The following INPP4B variants were observed in gnomAD, a reference collection of about 807,000 sequenced individuals.
INPP4B encodes inositol polyphosphate-4-phosphatase type II B.
INPP4B carries 55 observed loss-of-function variants against 122.5 expected under a neutral mutation model. The ratio of observed to expected loss-of-function variants is 0.45; its 90% CI spans 0.36 to 0.56. INPP4B has a LOEUF of 0.56. Among genes scored for constraint, INPP4B ranks in the 20% least tolerant of loss-of-function variants. The pLI, the probability that INPP4B is intolerant of heterozygous loss-of-function variation, is 0.00. For missense variants in INPP4B, 1,000 were observed against 1,097.7 expected, an observed-to-expected ratio of 0.91 and a Z score of 1.26; for synonymous variants, 403 against 388.7, an observed-to-expected ratio of 1.04 and a Z score of -0.43.
intron 14 of INPP4B, 47 bp from the exon 15 acceptor site, chr4:142,193,242 C>T: frequency 1.9e-6 from 2 of 1,075,146 alleles, no homozygotes; most frequent in Non-Finnish European, 2.9e-6. Flanking sequence ...AAACATTTAT[C>T]TCCGTCATGC....
At chr4:142,064,334 A>T (rs998961430) in intron 25 of INPP4B, among the ~76,000 whole-genome samples, 1 of 152,168 alleles carries the variant, frequency 6.6e-6, no homozygotes, top group African/African-American at 2.4e-5. Context: ...AAAAGATGAA[A>T]CTCATCAAAT....
chr4:142,144,470 T>G (rs1809608960), intron 18 of INPP4B, among the ~76,000 whole-genome samples: 1 of 152,102 alleles, frequency 6.6e-6, no homozygotes, highest in South Asian at 2.1e-4. Context: ...GTCTGGCCCA[T>G]ACTTGATAAT....
intron 2 of INPP4B, among the ~76,000 whole-genome samples, chr4:142,533,843 A>G (rs770316332): frequency 4.6e-5 from 7 of 152,206 alleles, no homozygotes; most frequent in Non-Finnish European, 8.8e-5. Context: ...CTAATGTGGT[A>G]GTCATCAGTG....
chr4:142,464,613 G>GAA lies in INPP4B; in HGVS notation c.-190-1889_-190-1888dup, dbSNP rs549262670. ...GAGTTGCTTTTAAGATAACTGTTAA[G>GAA]AAAAAAAAAAAATGTTTCATAGTAA... On this transcript the variant is annotated intron_variant, in intron 2 of 25. Coordinates refer to ENST00000262992, the MANE Select transcript of INPP4B (RefSeq NM_001101669.3). 7.4e-3 allele frequency among the ~76,000 whole-genome samples: 1,056 copies of GAA among 143,506 alleles called. 16 individuals carry two copies. The highest frequency in any genetic ancestry group is 0.024 in the African/African-American group (981 of 40,088). The allele number at this position is 143,506 out of a possible 152,430, so 94.1% of individuals were successfully genotyped here. A position where few individuals can be genotyped will look rare whatever the true frequency, so the allele number is the denominator to read the frequency against.
intron 2 of INPP4B, among the ~76,000 whole-genome samples, chr4:142,698,268 T>C (rs543651634): frequency 2.0e-4 from 31 of 152,076 alleles, no homozygotes; most frequent in Admixed American, 1.8e-3. Context: ...TTGAAATCAA[T>C]AGAGTTTTCA....
At chr4:142,072,915 G>T (rs928499252) in intron 25 of INPP4B, among the ~76,000 whole-genome samples, 2 of 151,924 alleles carry the variant, frequency 1.3e-5, no homozygotes, top group Admixed American at 6.6e-5. Context: ...AGAACCTAAG[G>T]CCTCTTAGAA....
At chr4:142,474,154 C>G (rs1221830055) in intron 2 of INPP4B, 1 of 152,268 alleles carries the variant, frequency 6.6e-6, no homozygotes, top group Admixed American at 6.5e-5. Context: ...CTCCTGTTGT[C>G]CTGGGAAACA....
intron 16 of INPP4B, among the ~76,000 whole-genome samples, chr4:142,162,282 G>A (rs1375324261): frequency 6.6e-6 from 1 of 150,886 alleles, no homozygotes; most frequent in Non-Finnish European, 1.5e-5. Context: ...GTTCACTGAT[G>A]TTCACAATGA....
intron 2 of INPP4B, among the ~76,000 whole-genome samples, chr4:142,612,190 G>A (rs1742686605): frequency 1.3e-5 from 2 of 152,288 alleles, no homozygotes; most frequent in East Asian, 1.9e-4. Flanking sequence ...TAGCCAAGGA[G>A]TTGGCAAAGG....
chr4:142,656,317 C>T (rs189646166), intron 2 of INPP4B, among the ~76,000 whole-genome samples: 1 of 152,318 alleles, frequency 6.6e-6, no homozygotes, highest in East Asian at 1.9e-4. Flanking sequence ...CCGTCTGTAG[C>T]AGAACTAAGG....
intron 2 of INPP4B, among the ~76,000 whole-genome samples, chr4:142,605,645 A>G (rs1213436387): frequency 2.0e-5 from 3 of 151,600 alleles, no homozygotes; most frequent in Admixed American, 6.6e-5. Flanking sequence ...TCAAAAAAAA[A>G]GGGGGCATAT....
At chr4:142,832,880 G>T (rs1243498751) in intron 1 of INPP4B, among the ~76,000 whole-genome samples, 2 of 151,872 alleles carry the variant, frequency 1.3e-5, no homozygotes, top group Admixed American at 1.3e-4. Context: ...CAAGTTTTAG[G>T]TCTTAAGCAG....
intron 1 of INPP4B, among the ~76,000 whole-genome samples, chr4:142,838,083 A>G (rs1159130555): frequency 3.3e-5 from 5 of 151,452 alleles, no homozygotes; most frequent in Admixed American, 2.6e-4. Flanking sequence ...AGAGCTTATC[A>G]CAGTAGCTGG....
intron 2 of INPP4B, among the ~76,000 whole-genome samples, chr4:142,502,530 C>A (rs1400566531): frequency 6.6e-6 from 1 of 152,026 alleles, no homozygotes; most frequent in African/African-American, 2.4e-5. Context: ...CTCTTGTCAC[C>A]CAGGCTGGAA....
At chr4:142,641,097 T>TA (rs1218457253) in intron 2 of INPP4B, among the ~76,000 whole-genome samples, 2 of 152,032 alleles carry the variant, frequency 1.3e-5, no homozygotes, top group Non-Finnish European at 2.9e-5. Flanking sequence ...TAAATGCACA[T>TA]ACACGAGCCC....
chr4:142,342,446 C>A (rs548102014), intron 7 of INPP4B, among the ~76,000 whole-genome samples: 1 of 152,140 alleles, frequency 6.6e-6, no homozygotes, highest in Non-Finnish European at 1.5e-5. Flanking sequence ...TGAGTACCCT[C>A]CCCTTACCTT....
chr4:142,738,876 A>C (rs149231514), intron 1 of INPP4B, among the ~76,000 whole-genome samples: 14 of 152,254 alleles, frequency 9.2e-5, no homozygotes, highest in African/African-American at 3.1e-4. Context: ...CTGTATTCAC[A>C]ATGTTCATCT....
At chr4:142,571,806 A>AT (rs889961746) in intron 2 of INPP4B, among the ~76,000 whole-genome samples, 33 of 151,324 alleles carry the variant, frequency 2.2e-4, no homozygotes, top group East Asian at 3.9e-4. Flanking sequence ...CAAGTTATTT[A>AT]TTTTTTTTTG....
chr4:142,691,251 C>T (rs2150722878), intron 2 of INPP4B, among the ~76,000 whole-genome samples: 1 of 152,080 alleles, frequency 6.6e-6, no homozygotes, highest in African/African-American at 2.4e-5. Flanking sequence ...CCCTTTTACA[C>T]TGAGACTTGA....
Sources: allele counts gnomAD v4.1 joint callset (sites outside exome capture counted in the v4.1 genomes callset), GRCh38; gene constraint gnomAD v4.1.1; transcripts MANE v1.5; gene names NCBI Gene and HGNC (gene_info 2026-07-23, HGNC 2026-07-21).